Variants in PREX2 observed in about 807,000 individuals in gnomAD.
PREX2 encodes phosphatidylinositol 3,4,5-trisphosphate-dependent Rac exchanger 2 protein.
A neutral mutation model predicts 203.2 loss-of-function variants in PREX2; 107 were observed. The ratio of observed to expected loss-of-function variants is 0.53; its 90% confidence interval spans 0.45 to 0.62. PREX2 has a LOEUF of 0.62. PREX2 is among the 20% of genes least tolerant of loss of function. The probability of loss-of-function intolerance (pLI) is 0.00; values close to 1 mark genes in which losing one functional copy is unlikely to be tolerated. For synonymous variants in PREX2, 672 were observed against 663.6 expected, an observed-to-expected ratio of 1.01 and a Z score of -0.19; for missense variants, 1,777 against 1,955.9, an observed-to-expected ratio of 0.91 and a Z score of 1.72.
At chr8:68,035,907 C>A (rs1034410168) in intron 6 of PREX2, among the ~76,000 whole-genome samples, 2 of 152,132 alleles carry the variant, frequency 1.3e-5, no homozygotes, top group African/African-American at 4.8e-5. Context: ...GTGAGATACA[C>A]TTTGCGGCAT....
rs768578134 is a variant in PREX2 at position 68,146,242 on chromosome 8, G to A, written c.4121G>A (p.Arg1374Gln). ...CTTACATATCAAGCAGAAGGAAGTC[G>A]GCAAGCTCTGAAAGTTTACTTCTAC... is the stretch of plus-strand genomic sequence containing the variant. Reference protein sequence around the residue: ...VPLTYQAEGSRQALKVYFYID... With the variant: ...VPLTYQAEGSQQALKVYFYID... Residue 1374 changes from arginine to glutamine, a missense_variant, in exon 34 of 40, where the codon CGG becomes CAG. Transcript: ENST00000288368. The A allele has an allele frequency of 1.4e-5, 22 of 1,610,616 alleles. No individual in the cohort carries two copies. The highest frequency in any genetic ancestry group is 1.7e-5 in the Admixed American group (1 of 59,744).
At chr8:68,025,666 T>C (rs1173068158) in intron 4 of PREX2, among the ~76,000 whole-genome samples, 1 of 152,078 alleles carries the variant, frequency 6.6e-6, no homozygotes, top group Non-Finnish European at 1.5e-5. Context: ...TGGTTCCTGA[T>C]GTGCTTTCAT....
chr8:68,171,335 A>T (rs1479349231), intron 35 of PREX2, among the ~76,000 whole-genome samples: 1 of 152,202 alleles, frequency 6.6e-6, no homozygotes, highest in Non-Finnish European at 1.5e-5. Context: ...ATTCATGTTA[A>T]CAAGAAGTGC....
chr8:68,076,685 TCACACACACACACACACACA>T (rs57701553), intron 14 of PREX2, among the ~76,000 whole-genome samples: 1 of 143,674 alleles, frequency 7.0e-6, no homozygotes, highest in Non-Finnish European at 1.5e-5. Flanking sequence ...AACTCTAAGG[TCACACACACACACACACACA>T]CACACACACA....
chr8:67,975,698 T>A, intron 1 of PREX2, among the ~76,000 whole-genome samples: 1 of 99,598 alleles, frequency 1.0e-5, no homozygotes, highest in Non-Finnish European at 2.1e-5. Context: ...CTCTTTCTTT[T>A]TTTTTTTTTT....
At chr8:68,079,781 G>A (rs893464545) in intron 15 of PREX2, among the ~76,000 whole-genome samples, 7 of 152,050 alleles carry the variant, frequency 4.6e-5, no homozygotes, top group African/African-American at 1.2e-4. Flanking sequence ...TGCATTCCAA[G>A]AATCTTAGGG....
rs1462397156 is a variant in PREX2, at chr8:68,119,491, T to A, written c.3481T>A (p.Cys1161Ser). ...TGATAAACAGGACAAGATACATAGT[T>A]GCCTTGAGCATCTTTTCAGCCAGGT... Reference protein sequence around the residue: ...SHDKQDKIHSCLEHLFSQVDS... With the variant: ...SHDKQDKIHSSLEHLFSQVDS... The change falls in exon 28 of 40, where the codon TGC becomes AGC. Residue 1161 changes from cysteine to serine, a missense_variant. Coordinates refer to ENST00000288368, the MANE Select transcript of PREX2 (RefSeq NM_024870.4). 6.2e-7 allele frequency: 1 copy of A among 1,613,728 alleles called. No individual in the cohort carries two copies. Among genetic ancestry groups the A allele is most frequent in the Non-Finnish European group, 8.5e-7 (1 of 1,179,676 alleles).
At chr8:68,000,918 T>C (rs13273926) in intron 1 of PREX2, among the ~76,000 whole-genome samples, 104,296 of 152,020 alleles carry the variant, frequency 0.69, 36,002 homozygotes, top group South Asian at 0.81. Flanking sequence ...TGAAACTAGA[T>C]CCCTTCCTTA....
chr8:68,074,028 T>C (rs1255478693), intron 14 of PREX2, among the ~76,000 whole-genome samples: 1 of 151,866 alleles, frequency 6.6e-6, no homozygotes, highest in Non-Finnish European at 1.5e-5. Flanking sequence ...GTGCAGTGGC[T>C]CAATCTCGGC....
chr8:68,191,417 C>T (rs1025244440), intron 35 of PREX2, among the ~76,000 whole-genome samples: 1 of 152,162 alleles, frequency 6.6e-6, no homozygotes, highest in Non-Finnish European at 1.5e-5. Context: ...TCTGCATTAA[C>T]TCATTTAATC....
chr8:68,223,148 A>C (rs958946814), intron 38 of PREX2, among the ~76,000 whole-genome samples: 2 of 152,190 alleles, frequency 1.3e-5, no homozygotes, highest in Admixed American at 1.3e-4. Flanking sequence ...ATATTGTACC[A>C]ATGTTAATTC....
chr8:68,066,927 C>T (rs1381523172), intron 11 of PREX2, among the ~76,000 whole-genome samples: 13 of 151,920 alleles, frequency 8.6e-5, no homozygotes, highest in Admixed American at 8.5e-4. Context: ...TAAAGGGTCC[C>T]ATTTAATTAT....
chr8:68,060,635 G>C, intron 10 of PREX2, 44 bp from the exon 11 acceptor site: 1 of 1,402,826 alleles, frequency 7.1e-7, no homozygotes, highest in Non-Finnish European at 1.0e-6. Flanking sequence ...ACTTGCTGGG[G>C]AAAAAATTAA....
At chr8:68,206,481 A>C (rs1303688800) in intron 37 of PREX2, among the ~76,000 whole-genome samples, 1 of 152,168 alleles carries the variant, frequency 6.6e-6, no homozygotes, top group Non-Finnish European at 1.5e-5. Flanking sequence ...CACCAGAGAG[A>C]ATGATAGGGA....
intron 14 of PREX2, among the ~76,000 whole-genome samples, chr8:68,072,781 G>T (rs6986705): frequency 6.6e-6 from 1 of 151,982 alleles, no homozygotes; most frequent in Non-Finnish European, 1.5e-5. Flanking sequence ...TTTCTCAAAA[G>T]GAAGATGTTC....
At chr8:68,231,179 T>G (rs1487401156) in intron 39 of PREX2, among the ~76,000 whole-genome samples, 154 bp from the exon 40 acceptor site, 7 of 152,154 alleles carry the variant, frequency 4.6e-5, no homozygotes, top group African/African-American at 1.7e-4. Context: ...TTTTGGAGTT[T>G]GCCAATTCAT....
chr8:68,030,402 A>G (rs561868476), intron 5 of PREX2, 95 bp from the exon 6 acceptor site: 5 of 1,189,628 alleles, frequency 4.2e-6, no homozygotes, highest in Non-Finnish European at 5.8e-6. Flanking sequence ...AGTGGCTCTC[A>G]TGATCTTTGC....
In PREX2 at chr8:68,152,481, T is replaced by G. The variant is rs576595816; in HGVS notation, c.4232-4841T>G. On this transcript the variant is annotated intron_variant, in intron 34 of 39. Coordinates refer to ENST00000288368, the MANE Select transcript of PREX2 (RefSeq NM_024870.4). ...TCAGACAGCACGGTTCCAATCAGCC[T>G]AGTTGTGCCAGCTCCTATTGGAGGA... Among the ~76,000 whole-genome samples, 7 of 152,168 alleles carry G rather than the reference T, an allele frequency of 4.6e-5. No individual in the cohort carries two copies. In the South Asian group the frequency reaches 1.5e-3, roughly 32 times the overall value.
At chr8:68,189,221 A>T (rs1242513647) in intron 35 of PREX2, among the ~76,000 whole-genome samples, 3 of 152,258 alleles carry the variant, frequency 2.0e-5, no homozygotes, top group South Asian at 2.1e-4. Context: ...CAGACCTTTC[A>T]GTAGAACATG....
Sources: allele counts gnomAD v4.1 joint callset (sites outside exome capture counted in the v4.1 genomes callset), GRCh38; gene constraint gnomAD v4.1.1; transcripts MANE v1.5; gene names NCBI Gene and HGNC (gene_info 2026-07-23, HGNC 2026-07-21).